The following MGAT4C variants were observed in gnomAD, a reference collection of about 807,000 sequenced individuals.
MGAT4C encodes MGAT4 family member C.
In MGAT4C, 19 loss-of-function variants were observed where a neutral mutation model predicts 40.1. That is an observed-to-expected ratio of 0.47 (90% confidence interval 0.33 to 0.70). The LOEUF is 0.70. Among genes scored for constraint, MGAT4C ranks in the 30% least tolerant of loss-of-function variants. The pLI, the probability that MGAT4C is intolerant of heterozygous loss-of-function variation, is 0.02. For synonymous variants in MGAT4C, 181 were observed against 187.1 expected (o/e 0.97, Z 0.27); for missense variants, 491 against 563.2 (o/e 0.87, Z 1.30).
chr12:86,783,231 A>G (rs538021214), intron 1 of MGAT4C, among the ~76,000 whole-genome samples: 1 of 152,364 alleles, frequency 6.6e-6, no homozygotes, highest in South Asian at 2.1e-4. Flanking sequence ...ATAAAGACCG[A>G]AAGGCCATAA....
chr12:86,689,138 G>C (rs1950127827), intron 2 of MGAT4C, among the ~76,000 whole-genome samples: 1 of 152,052 alleles, frequency 6.6e-6, no homozygotes. Flanking sequence ...CGATTCATCT[G>C]TTGATACCTG....
At chr12:86,770,963 G>A (rs1951623129) in intron 1 of MGAT4C, among the ~76,000 whole-genome samples, 1 of 152,046 alleles carries the variant, frequency 6.6e-6, no homozygotes, top group Non-Finnish European at 1.5e-5. Context: ...ACCTCAGAAT[G>A]TAATTGTATT....
At chr12:86,115,438 G>T (rs752611904) in intron 1 of MGAT4C, among the ~76,000 whole-genome samples, 1 of 151,826 alleles carries the variant, frequency 6.6e-6, no homozygotes, top group Non-Finnish European at 1.5e-5. Context: ...CTTATATTCA[G>T]ATATTTTATA....
In MGAT4C at chr12:85,960,791, A is replaced by C. The variant is rs1883074965; in HGVS notation, c.*18498T>G. Reference sequence around the variant, plus strand: ...TAAACTCCTATTAAGCTGAATCACCAAAAAAAAATTTGATATGAAAGTCAT... The same window carrying C: ...TAAACTCCTATTAAGCTGAATCACCCAAAAAAAATTTGATATGAAAGTCAT... On this transcript the variant is annotated 3_prime_UTR_variant, in exon 5 of 5. Coordinates refer to ENST00000611864, the MANE Select transcript of MGAT4C (RefSeq NM_001351288.2). 1 of 151,310 alleles carries C rather than the reference A, an allele frequency of 6.6e-6. No homozygotes were observed. The highest frequency in any genetic ancestry group is 1.5e-5 in the Non-Finnish European group (1 of 67,582). 9.4% of individuals were successfully genotyped at this position (151,310 alleles called of 1,614,324 possible).
chr12:86,666,279 A>T (rs1273835853), intron 2 of MGAT4C, among the ~76,000 whole-genome samples: 1 of 152,174 alleles, frequency 6.6e-6, no homozygotes, highest in Non-Finnish European at 1.5e-5. Context: ...AGACTTTTCT[A>T]TAGCTCTAAG....
At chr12:86,451,108 G>A (rs1044155361) in intron 2 of MGAT4C, among the ~76,000 whole-genome samples, 2 of 152,090 alleles carry the variant, frequency 1.3e-5, no homozygotes, top group African/African-American at 2.4e-5. Flanking sequence ...GGCCTAGTAG[G>A]AGGTGATTAG....
chr12:86,821,605 C>T (rs1009299300), intron 1 of MGAT4C, among the ~76,000 whole-genome samples: 1 of 150,902 alleles, frequency 6.6e-6, no homozygotes, highest in African/African-American at 2.4e-5. Context: ...CTTATTCCAT[C>T]TATCTAATTG....
chr12:86,830,096 C>G (rs1952891723), intron 1 of MGAT4C, among the ~76,000 whole-genome samples: 1 of 151,446 alleles, frequency 6.6e-6, no homozygotes, highest in South Asian at 2.1e-4. Context: ...ATGTCTATAT[C>G]TATGTTGGGT....
intron 4 of MGAT4C, among the ~76,000 whole-genome samples, chr12:86,275,480 A>T (rs1244398662): frequency 3.3e-5 from 5 of 152,200 alleles, no homozygotes; most frequent in Non-Finnish European, 7.3e-5. Flanking sequence ...GAAGATGTCC[A>T]TGTCTTAATC....
intron 1 of MGAT4C, among the ~76,000 whole-genome samples, chr12:86,135,539 A>AG (rs540653060): frequency 2.1e-4 from 32 of 152,194 alleles, no homozygotes; most frequent in South Asian, 4.1e-4. Context: ...TAAAAAAGTA[A>AG]GGGGGGGCAG....
intron 2 of MGAT4C, among the ~76,000 whole-genome samples, chr12:86,648,311 A>T (rs889877906): frequency 6.6e-6 from 1 of 151,936 alleles, no homozygotes; most frequent in Non-Finnish European, 1.5e-5. Flanking sequence ...TAATATTTTA[A>T]TGTTATAATT....
intron 2 of MGAT4C, among the ~76,000 whole-genome samples, chr12:86,709,050 A>G (rs1950512242): frequency 1.3e-5 from 2 of 152,140 alleles, no homozygotes; most frequent in African/African-American, 4.8e-5. Flanking sequence ...CAGGGGCAGA[A>G]TAATATGAAT....
In MGAT4C at chr12:86,176,920, C is replaced by G. The variant is rs1212331571; in HGVS notation, c.-57+79319G>C. 5.3e-5 allele frequency among the ~76,000 whole-genome samples: 8 copies of G among 150,132 alleles called. No individual in the cohort carries two copies. In the East Asian group the frequency reaches 1.4e-3, roughly 26 times the overall value. On this transcript the variant is annotated intron_variant, in intron 1 of 4. Coordinates refer to ENST00000611864, the MANE Select transcript of MGAT4C (RefSeq NM_001351288.2). Reference sequence around the variant, plus strand: ...ATTTACTAAATTAAGGAATATGTATCAAAAGCTTACTATGTAGCAAGCACC... The same window carrying G: ...ATTTACTAAATTAAGGAATATGTATGAAAAGCTTACTATGTAGCAAGCACC...
chr12:86,494,960 T>C (rs1467462938), intron 2 of MGAT4C, among the ~76,000 whole-genome samples: 1 of 152,114 alleles, frequency 6.6e-6, no homozygotes. Context: ...GAATATAATG[T>C]ATTTCTAATA....
chr12:86,221,868 T>C (rs1328230328), intron 1 of MGAT4C, among the ~76,000 whole-genome samples: 4 of 152,360 alleles, frequency 2.6e-5, no homozygotes, highest in Admixed American at 2.6e-4. Context: ...TCAAATAAAC[T>C]CTGCTAAATT....
intron 2 of MGAT4C, among the ~76,000 whole-genome samples, chr12:86,611,837 T>C (rs930121370): frequency 6.6e-6 from 1 of 152,214 alleles, no homozygotes; most frequent in African/African-American, 2.4e-5. Context: ...AACTGTTTGT[T>C]AGCAACCATG....
intron 2 of MGAT4C, among the ~76,000 whole-genome samples, chr12:86,018,697 C>T (rs1889345700): frequency 6.6e-6 from 1 of 151,916 alleles, no homozygotes. Flanking sequence ...TTTTTACAGT[C>T]CCAAGTTGTA....
rs1959124124 is a variant in MGAT4C, at chr12:86,538,934, AT to A, written c.-228-103670del. Among the ~76,000 whole-genome samples, 3 of 151,980 alleles carry A rather than the reference AT, an allele frequency of 2.0e-5. No individual in the cohort carries two copies. The South Asian group carries it at 6.2e-4, about 32-fold the overall frequency. ...AAGTGGAATACATTTATATAAGGAAATAAATGTTTTGTTTCTCATAACTACT... is the reference window on the plus strand; with the variant it reads ...AAGTGGAATACATTTATATAAGGAAAAAATGTTTTGTTTCTCATAACTACT... On this transcript the variant is annotated intron_variant, in intron 2 of 7. Transcript: ENST00000548651.
At chr12:86,547,049 C>G (rs966074648) in intron 2 of MGAT4C, among the ~76,000 whole-genome samples, 4 of 151,926 alleles carry the variant, frequency 2.6e-5, no homozygotes, top group Non-Finnish European at 4.4e-5. Context: ...CAGGGTAAAT[C>G]AGATAGTAAA....
Sources: allele counts gnomAD v4.1 joint callset (sites outside exome capture counted in the v4.1 genomes callset), GRCh38; gene constraint gnomAD v4.1.1; transcripts MANE v1.5; gene names NCBI Gene and HGNC (gene_info 2026-07-23, HGNC 2026-07-21).